EXOC6: variants seen among roughly 807,000 people sequenced by gnomAD.
EXOC6 encodes exocyst complex component 6.
A neutral mutation model predicts 112.5 loss-of-function variants in EXOC6; 60 were observed. The ratio of observed to expected loss-of-function variants is 0.53; its 90% confidence interval spans 0.43 to 0.66. The LOEUF (loss-of-function observed/expected upper bound fraction) is 0.66. EXOC6 is among the 30% of genes least tolerant of loss of function. EXOC6 has a pLI of 0.00. For synonymous variants in EXOC6, 295 were observed against 308.0 expected (o/e 0.96, Z 0.44); for missense variants, 855 against 957.1 (o/e 0.89, Z 1.41).
chr10:92,911,550 T>C (rs1850761956), intron 6 of EXOC6, among the ~76,000 whole-genome samples: 1 of 152,190 alleles, frequency 6.6e-6, no homozygotes, highest in Admixed American at 6.5e-5. Flanking sequence ...TTGGATTCTT[T>C]CCACTTAGGG....
intron 8 of EXOC6, among the ~76,000 whole-genome samples, chr10:92,923,549 G>T (rs1851556407): frequency 6.6e-6 from 1 of 152,202 alleles, no homozygotes; most frequent in African/African-American, 2.4e-5. Context: ...TATGATGGCT[G>T]CTGGTAGAAG....
chr10:93,003,990 A>G (rs746782873), intron 19 of EXOC6, among the ~76,000 whole-genome samples: 6 of 152,226 alleles, frequency 3.9e-5, no homozygotes, highest in Non-Finnish European at 8.8e-5. Context: ...GGACCATGAC[A>G]TGATTAAATC....
At chr10:93,030,069 C>T (rs1021867223) in intron 20 of EXOC6, among the ~76,000 whole-genome samples, 3 of 152,142 alleles carry the variant, frequency 2.0e-5, no homozygotes, top group South Asian at 2.1e-4. Context: ...CCACCACGCC[C>T]GGCTAATTTT....
At chr10:92,952,596 A>G (rs557946607) in intron 15 of EXOC6, among the ~76,000 whole-genome samples, 1 of 151,966 alleles carries the variant, frequency 6.6e-6, no homozygotes, top group South Asian at 2.1e-4. Context: ...TAGTTTTTCA[A>G]CCCCTGCCTC....
At chr10:92,994,401 T>A (rs1843390712) in intron 18 of EXOC6, among the ~76,000 whole-genome samples, 1 of 140,716 alleles carries the variant, frequency 7.1e-6, no homozygotes, top group Non-Finnish European at 1.6e-5. Context: ...ATATAAGAAG[T>A]TTGTCTAAGG....
intron 17 of EXOC6, among the ~76,000 whole-genome samples, chr10:92,973,414 C>G (rs1285986853): frequency 6.6e-6 from 1 of 152,154 alleles, no homozygotes; most frequent in Non-Finnish European, 1.5e-5. Context: ...TAAATGATGC[C>G]TGTATTTCTG....
chr10:92,834,694 C>G, upstream of EXOC6: 4 of 1,469,800 alleles, frequency 2.7e-6, no homozygotes, highest in Non-Finnish European at 3.7e-6. Flanking sequence ...GTTTTTCACT[C>G]AATATCTGAC....
intron 20 of EXOC6, among the ~76,000 whole-genome samples, chr10:93,025,190 G>A (rs533017560): frequency 6.6e-5 from 10 of 152,142 alleles, no homozygotes; most frequent in Middle Eastern, 3.4e-3. Flanking sequence ...CTTACAATGC[G>A]AAAAAGATCT....
chr10:92,859,676 G>C (rs935192001), intron 1 of EXOC6, among the ~76,000 whole-genome samples: 1 of 152,162 alleles, frequency 6.6e-6, no homozygotes, highest in Admixed American at 6.5e-5. Flanking sequence ...ACCTAATCTC[G>C]GGGAATTCTA....
chr10:92,828,822 G>A (rs993622657), intron 1 of EXOC6, among the ~76,000 whole-genome samples: 1 of 151,388 alleles, frequency 6.6e-6, no homozygotes, highest in East Asian at 1.9e-4. Context: ...GACTGAGCAG[G>A]ATTAAACACC....
upstream of EXOC6, among the ~76,000 whole-genome samples, chr10:92,843,846 G>T (rs886427372): frequency 2.6e-5 from 4 of 152,014 alleles, no homozygotes; most frequent in African/African-American, 9.7e-5. Context: ...AAATTAGCCG[G>T]GCGTGGTGGC....
chr10:93,009,842 G>A (rs1395273568), intron 19 of EXOC6, among the ~76,000 whole-genome samples: 2 of 152,070 alleles, frequency 1.3e-5, no homozygotes, highest in African/African-American at 4.8e-5. Context: ...GATTGCAAAG[G>A]ACCTTAGCCT....
chr10:92,996,578 G>A (rs999451036), intron 18 of EXOC6, among the ~76,000 whole-genome samples: 5 of 148,516 alleles, frequency 3.4e-5, no homozygotes, highest in Non-Finnish European at 7.4e-5. Flanking sequence ...GATTGCGCCA[G>A]CCCTGGCCAC....
intron 20 of EXOC6, among the ~76,000 whole-genome samples, chr10:93,037,930 C>T (rs1306600910): frequency 1.3e-5 from 2 of 150,032 alleles, no homozygotes; most frequent in Admixed American, 6.6e-5. Flanking sequence ...ATCCCAGCTG[C>T]TCGGAAGGTG....
chr10:92,833,181 A>G (rs1846547347), upstream of EXOC6, among the ~76,000 whole-genome samples: 1 of 152,214 alleles, frequency 6.6e-6, no homozygotes, highest in Non-Finnish European at 1.5e-5. Context: ...GCTGAAAACA[A>G]CAGTCATTTA....
At chr10:92,848,450 C>CCCCCACCCCCA, upstream of EXOC6, 1 of 1,080,370 alleles carries the variant, frequency 9.3e-7, no homozygotes, top group Non-Finnish European at 1.2e-6. Flanking sequence ...CCCCGCCCCG[C>CCCCCACCCCCA]CCCTTCGCGC....
intron 17 of EXOC6, among the ~76,000 whole-genome samples, chr10:92,971,861 C>T (rs1192602881): frequency 1.3e-5 from 2 of 152,088 alleles, no homozygotes; most frequent in African/African-American, 4.8e-5. Flanking sequence ...CTTTGCATAA[C>T]TTGTCATTTT....
intron 20 of EXOC6, among the ~76,000 whole-genome samples, chr10:93,044,859 G>C (rs1845930632): frequency 6.6e-6 from 1 of 151,844 alleles, no homozygotes; most frequent in Non-Finnish European, 1.5e-5. Context: ...TTTAGTTTTG[G>C]GGGATTTTTT....
At chr10:92,859,366 G>T (rs1399950485) in intron 1 of EXOC6, among the ~76,000 whole-genome samples, 1 of 152,176 alleles carries the variant, frequency 6.6e-6, no homozygotes, top group African/African-American at 2.4e-5. Flanking sequence ...GATTTTAGCA[G>T]TGCTCTCTTT....
Sources: gnomAD v4.1 joint callset for allele counts (sites outside exome capture counted in the v4.1 genomes callset) on GRCh38, gnomAD v4.1.1 for gene constraint, MANE v1.5 for transcripts, NCBI Gene and HGNC (gene_info 2026-07-23, HGNC 2026-07-21) for gene names.